GSE1: variants seen among roughly 807,000 people sequenced by gnomAD.
The protein encoded by GSE1 is Gse1 coiled-coil protein, also known as genetic suppressor element 1.
GSE1 carries 32 observed loss-of-function variants against 112.6 expected under a neutral mutation model. The observed-to-expected ratio is 0.28, with a 90% CI of 0.21 to 0.38. The LOEUF (loss-of-function observed/expected upper bound fraction) is 0.38. GSE1 is among the 10% of genes least tolerant of loss of function. The pLI is 1.00. For missense variants in GSE1, 2,348 were observed against 1,699.2 expected (o/e 1.38, Z -6.71); for synonymous variants, 1,115 against 735.6 (o/e 1.52, Z -8.35).
chr16:85,451,937 C>A (rs2049694395), intron 2 of GSE1, among the ~76,000 whole-genome samples: 1 of 152,160 alleles, frequency 6.6e-6, no homozygotes, highest in African/African-American at 2.4e-5. Flanking sequence ...CTTGAGAGGC[C>A]ACCCAAGAGG....
At chr16:85,577,556 G>A (rs1232726493) in intron 1 of GSE1, among the ~76,000 whole-genome samples, 2 of 152,142 alleles carry the variant, frequency 1.3e-5, no homozygotes, top group African/African-American at 2.4e-5. Context: ...CTTCGCACTA[G>A]CCCAGGAGGC....
chr16:85,575,144 G>C (rs1197787082), intron 1 of GSE1, among the ~76,000 whole-genome samples: 2 of 151,724 alleles, frequency 1.3e-5, no homozygotes, highest in African/African-American at 4.8e-5. Flanking sequence ...TGGCGCTACA[G>C]AATGTCAGAG....
chr16:85,173,789 G>A (rs1341811173), intron 1 of GSE1, among the ~76,000 whole-genome samples: 1 of 152,226 alleles, frequency 6.6e-6, no homozygotes, highest in Non-Finnish European at 1.5e-5. Context: ...TGGGAAGGGG[G>A]AGTGGACAGT....
chr16:85,637,409 G>A (rs548454773), intron 2 of GSE1, among the ~76,000 whole-genome samples: 14 of 152,332 alleles, frequency 9.2e-5, no homozygotes, highest in Admixed American at 2.6e-4. Flanking sequence ...TTTCTGCTCC[G>A]TCCTGGAGTT....
At chr16:85,448,827 G>A (rs1036936927) in intron 2 of GSE1, among the ~76,000 whole-genome samples, 4 of 152,218 alleles carry the variant, frequency 2.6e-5, no homozygotes, top group Admixed American at 6.5e-5. Flanking sequence ...AGCCCTTCCC[G>A]AGCCGAGCCT....
At chr16:85,476,173 C>G (rs940574535) in intron 2 of GSE1, among the ~76,000 whole-genome samples, 1 of 152,228 alleles carries the variant, frequency 6.6e-6, no homozygotes, top group African/African-American at 2.4e-5. Flanking sequence ...CTCAAGTGAT[C>G]CTCCTGCCTG....
intron 1 of GSE1, among the ~76,000 whole-genome samples, chr16:85,571,664 A>G (rs2045986227): frequency 6.6e-6 from 1 of 152,098 alleles, no homozygotes; most frequent in East Asian, 1.9e-4. Context: ...TGACTGACTG[A>G]CCTTTTGACA....
chr16:85,448,854 G>C (rs993510366), intron 2 of GSE1, among the ~76,000 whole-genome samples: 55 of 152,232 alleles, frequency 3.6e-4, no homozygotes, highest in South Asian at 1.0e-3. Context: ...GGGCCTCCTG[G>C]AGAAATCGGT....
At chr16:85,629,231 C>T (rs928702420) in intron 1 of GSE1, among the ~76,000 whole-genome samples, 2 of 152,198 alleles carry the variant, frequency 1.3e-5, no homozygotes, top group Admixed American at 1.3e-4. Flanking sequence ...ATTACACAGC[C>T]TCGGGTATTT....
At position 85,231,406 on chromosome 16, in the gene GSE1, AGAGG is replaced by A. The variant is rs1904284861; in HGVS notation, c.2283+59602_2283+59605del. Reference sequence around the variant, plus strand: ...GATGATGATGGATGGATAGCTGGACAGAGGGATGGATGGATGGATGGATGGACAG... The same window carrying A: ...GATGATGATGGATGGATAGCTGGACAGATGGATGGATGGATGGATGGACAG... On this transcript the variant is annotated intron_variant, in intron 1 of 2. Transcript: ENST00000637419. Among the ~76,000 whole-genome samples, 4 of 111,708 alleles carry A rather than the reference AGAGG, an allele frequency of 3.6e-5. 1 individual carries two copies. The South Asian group carries it at 1.4e-3, about 40-fold the overall frequency. The allele number at this position is 111,708 out of a possible 152,430, so 73.3% of individuals were successfully genotyped here. A position where few individuals can be genotyped will look rare whatever the true frequency, so the allele number is the denominator to read the frequency against.
At chr16:85,540,188 C>T (rs1355242031) in intron 2 of GSE1, among the ~76,000 whole-genome samples, 1 of 152,196 alleles carries the variant, frequency 6.6e-6, no homozygotes, top group Non-Finnish European at 1.5e-5. Flanking sequence ...TGTAGGCATA[C>T]TTTGAAGCCC....
chr16:85,361,896 C>A (rs951718681), intron 2 of GSE1, among the ~76,000 whole-genome samples: 13 of 152,032 alleles, frequency 8.6e-5, no homozygotes. Flanking sequence ...ATCAGACTTG[C>A]GTCACTACGG....
chr16:85,246,712 C>G (rs1278274474), intron 1 of GSE1, among the ~76,000 whole-genome samples: 1 of 152,008 alleles, frequency 6.6e-6, no homozygotes, highest in East Asian at 1.9e-4. Flanking sequence ...CCCTAGTGGA[C>G]TAGAGAGGGC....
chr16:85,550,302 A>G (rs1006553252), intron 2 of GSE1, among the ~76,000 whole-genome samples: 2 of 152,148 alleles, frequency 1.3e-5, no homozygotes, highest in African/African-American at 4.8e-5. Context: ...GTCCTTGGGC[A>G]AGCTGCTCGA....
At chr16:85,596,235 G>A (rs2047221290) in intron 1 of GSE1, among the ~76,000 whole-genome samples, 1 of 152,140 alleles carries the variant, frequency 6.6e-6, no homozygotes. Flanking sequence ...ATGATGGTCC[G>A]CCTAACGTGA....
chr16:85,179,675 C>G (rs1283928088), intron 1 of GSE1, among the ~76,000 whole-genome samples: 1 of 152,180 alleles, frequency 6.6e-6, no homozygotes, highest in Admixed American at 6.5e-5. Flanking sequence ...TGCCTGCAGT[C>G]CATCCTCTTA....
At chr16:85,647,639 T>C (rs947628900) in intron 2 of GSE1, among the ~76,000 whole-genome samples, 3 of 152,066 alleles carry the variant, frequency 2.0e-5, no homozygotes, top group Non-Finnish European at 2.9e-5. Flanking sequence ...CAGGCTGGAG[T>C]GCGGCAGCAC....
At chr16:85,600,359 G>C (rs2047408408) in intron 1 of GSE1, among the ~76,000 whole-genome samples, 1 of 152,164 alleles carries the variant, frequency 6.6e-6, no homozygotes, top group African/African-American at 2.4e-5. Flanking sequence ...TTCCATGTGG[G>C]CCAAGGGGAG....
intron 2 of GSE1, among the ~76,000 whole-genome samples, chr16:85,362,234 C>T (rs1567712561): frequency 6.6e-6 from 1 of 152,244 alleles, no homozygotes; most frequent in Non-Finnish European, 1.5e-5. Flanking sequence ...GGCGGGTGAG[C>T]AGTTGAGCTC....
Sources: allele counts gnomAD v4.1 joint callset (sites outside exome capture counted in the v4.1 genomes callset), GRCh38; gene constraint gnomAD v4.1.1; transcripts MANE v1.5; gene names NCBI Gene and HGNC (gene_info 2026-07-23, HGNC 2026-07-21).